The following CPNE4 variants were observed in gnomAD, a reference collection of about 807,000 sequenced individuals.
CPNE4 encodes the protein copine-4.
Under a neutral mutation model 67.9 loss-of-function variants are expected in CPNE4, and 25 were observed. The observed-to-expected ratio is 0.37, with a 90% CI of 0.27 to 0.51. The LOEUF (loss-of-function observed/expected upper bound fraction) is 0.51. CPNE4 is among the 20% of genes least tolerant of loss of function. CPNE4 has a pLI of 0.93. For missense variants in CPNE4, 464 were observed against 690.8 expected (o/e 0.67, Z 3.68); for synonymous variants, 242 against 244.9 (o/e 0.99, Z 0.11).
intron 7 of CPNE4, among the ~76,000 whole-genome samples, chr3:131,613,300 C>T (rs1939953708): frequency 6.6e-6 from 1 of 152,188 alleles, no homozygotes; most frequent in Non-Finnish European, 1.5e-5. Context: ...CAAAACCATA[C>T]ATTTTTCATG....
intron 2 of CPNE4, among the ~76,000 whole-genome samples, chr3:131,851,707 G>C (rs140015339): frequency 5.9e-5 from 9 of 152,218 alleles, no homozygotes; most frequent in Non-Finnish European, 2.9e-5. Flanking sequence ...GAGCAATCCA[G>C]TGGAGGAAAT....
chr3:131,597,795 T>C (rs554603348), intron 7 of CPNE4, among the ~76,000 whole-genome samples: 5 of 152,264 alleles, frequency 3.3e-5, no homozygotes, highest in South Asian at 2.1e-4. Context: ...TTTAACATAT[T>C]GCTAATTACA....
intron 2 of CPNE4, among the ~76,000 whole-genome samples, chr3:131,809,029 A>G (rs2084427679): frequency 6.6e-6 from 1 of 152,160 alleles, no homozygotes; most frequent in African/African-American, 2.4e-5. Context: ...ATGCTTGTGT[A>G]AGTGCGTGCA....
chr3:131,799,238 T>A (rs1178523542), intron 2 of CPNE4, among the ~76,000 whole-genome samples: 2 of 152,096 alleles, frequency 1.3e-5, no homozygotes, highest in Non-Finnish European at 2.9e-5. Flanking sequence ...GAAGTAAAAA[T>A]AAACTCATTA....
intron 2 of CPNE4, among the ~76,000 whole-genome samples, chr3:131,743,826 G>A (rs972488253): frequency 5.3e-5 from 8 of 151,504 alleles, no homozygotes; most frequent in South Asian, 2.1e-4. Context: ...AGCCGGGCGT[G>A]GTAGCGGGCG....
intron 10 of CPNE4, among the ~76,000 whole-genome samples, chr3:131,574,251 G>A (rs574555986): frequency 4.6e-5 from 7 of 152,156 alleles, no homozygotes; most frequent in East Asian, 1.9e-4. Context: ...TCTTGTTTAC[G>A]TCCACATTGC....
intron 2 of CPNE4, among the ~76,000 whole-genome samples, chr3:131,765,937 C>CAA (rs1284844303): frequency 6.6e-5 from 10 of 152,090 alleles, no homozygotes; most frequent in African/African-American, 1.9e-4. Flanking sequence ...CTGGCACTAG[C>CAA]AGCTTTATAC....
At chr3:131,954,714 T>C (rs546537051) in intron 1 of CPNE4, among the ~76,000 whole-genome samples, 34 of 152,298 alleles carry the variant, frequency 2.2e-4, no homozygotes, top group Middle Eastern at 6.8e-3. Flanking sequence ...TCTCATTGTT[T>C]AATTCCCACC....
At chr3:131,581,889 A>T (rs1051227740) in intron 8 of CPNE4, among the ~76,000 whole-genome samples, 6 of 152,180 alleles carry the variant, frequency 3.9e-5, no homozygotes, top group African/African-American at 1.4e-4. Flanking sequence ...TTCCCTGCTT[A>T]TGTGACTTTT....
At chr3:131,627,406 G>T (rs902388910) in intron 7 of CPNE4, among the ~76,000 whole-genome samples, 2 of 152,142 alleles carry the variant, frequency 1.3e-5, no homozygotes, top group South Asian at 4.1e-4. Context: ...AACACACCTA[G>T]TCACCCAAAA....
chr3:131,608,326 A>C (rs745406199), intron 7 of CPNE4, among the ~76,000 whole-genome samples: 15 of 152,162 alleles, frequency 9.9e-5, no homozygotes, highest in Non-Finnish European at 1.5e-5. Flanking sequence ...TTTAATGTGG[A>C]GTACGGTGGG....
intron 2 of CPNE4, among the ~76,000 whole-genome samples, chr3:131,842,808 C>CA (rs2085844826): frequency 6.6e-6 from 1 of 151,196 alleles, no homozygotes; most frequent in South Asian, 2.1e-4. Flanking sequence ...AAAATTAAGC[C>CA]ACCTATGTAC....
At chr3:131,915,157 G>C (rs1583448872) in intron 1 of CPNE4, among the ~76,000 whole-genome samples, 2 of 152,158 alleles carry the variant, frequency 1.3e-5, no homozygotes, top group East Asian at 3.8e-4. Flanking sequence ...GACACAGCCA[G>C]GAATTAAACC....
intron 2 of CPNE4, among the ~76,000 whole-genome samples, chr3:131,792,063 A>G (rs2083739246): frequency 6.6e-6 from 1 of 152,092 alleles, no homozygotes; most frequent in African/African-American, 2.4e-5. Context: ...GGCAGAGAGG[A>G]CCAGCCTGGG....
At chr3:131,671,680 A>C (rs959320440) in intron 6 of CPNE4, among the ~76,000 whole-genome samples, 4 of 152,160 alleles carry the variant, frequency 2.6e-5, no homozygotes, top group African/African-American at 9.7e-5. Context: ...GAACAGGAGA[A>C]TTTACCAATA....
At chr3:131,651,922 C>T (rs1008901784) in intron 7 of CPNE4, among the ~76,000 whole-genome samples, 1 of 152,110 alleles carries the variant, frequency 6.6e-6, no homozygotes, top group African/African-American at 2.4e-5. Context: ...CTTGAGGTCT[C>T]TATCACATGA....
At chr3:131,611,253 T>C (rs985985884) in intron 7 of CPNE4, among the ~76,000 whole-genome samples, 2 of 152,218 alleles carry the variant, frequency 1.3e-5, no homozygotes, top group Admixed American at 6.5e-5. Flanking sequence ...AATGCTGATA[T>C]GACTGTGTCA....
At chr3:131,792,591 ATATATG>A (rs1404445181) in intron 2 of CPNE4, among the ~76,000 whole-genome samples, 2 of 139,338 alleles carry the variant, frequency 1.4e-5, no homozygotes, top group African/African-American at 5.3e-5. Context: ...TCATACATAT[ATATATG>A]TATATGTGTG....
intron 9 of CPNE4, among the ~76,000 whole-genome samples, chr3:131,579,797 A>G (rs1051474045): frequency 6.6e-6 from 1 of 152,224 alleles, no homozygotes; most frequent in African/African-American, 2.4e-5. Flanking sequence ...TGAATGGATG[A>G]GGAGTTAATT....
Sources: gnomAD v4.1 joint callset for allele counts (sites outside exome capture counted in the v4.1 genomes callset) on GRCh38, gnomAD v4.1.1 for gene constraint, MANE v1.5 for transcripts, NCBI Gene and HGNC (gene_info 2026-07-23, HGNC 2026-07-21) for gene names.